The following FGD5 variants were observed in gnomAD, a reference collection of about 807,000 sequenced individuals.
FGD5 encodes FYVE, RhoGEF and PH domain-containing protein 5.
FGD5 carries 28 observed loss-of-function variants against 133.4 expected under a neutral mutation model. That is an observed-to-expected ratio of 0.21 (90% CI 0.16 to 0.29). The LOEUF (loss-of-function observed/expected upper bound fraction) is 0.29. Ranked by LOEUF, FGD5 falls within the 10% of genes least tolerant of loss-of-function variation. The pLI, the probability that FGD5 is intolerant of heterozygous loss-of-function variation, is 1.00. For synonymous variants in FGD5, 810 were observed against 776.5 expected, an observed-to-expected ratio of 1.04 and a Z score of -0.72; for missense variants, 1,858 against 1,895.2, an observed-to-expected ratio of 0.98 and a Z score of 0.36.
intron 1 of FGD5, among the ~76,000 whole-genome samples, chr3:14,824,535 C>T (rs2036566884): frequency 6.6e-6 from 1 of 152,138 alleles, no homozygotes; most frequent in Non-Finnish European, 1.5e-5. Context: ...GGTCAGTGCT[C>T]CAGACATGGA....
chr3:14,826,309 C>G (rs540093553), intron 1 of FGD5, among the ~76,000 whole-genome samples: 20 of 152,254 alleles, frequency 1.3e-4, no homozygotes, highest in African/African-American at 4.8e-4. Flanking sequence ...TTCTTCCCCT[C>G]TTCTCCTCTG....
At chr3:14,829,946 T>TAAC (rs2036674942) in intron 1 of FGD5, among the ~76,000 whole-genome samples, 1 of 152,180 alleles carries the variant, frequency 6.6e-6, no homozygotes, top group Non-Finnish European at 1.5e-5. Context: ...CAGCAACAAA[T>TAAC]AACACATCCT....
At chr3:14,812,734 G>A (rs1417672159) in intron 1 of FGD5, among the ~76,000 whole-genome samples, 4 of 152,204 alleles carry the variant, frequency 2.6e-5, no homozygotes, top group South Asian at 4.1e-4. Flanking sequence ...GTGACCTTAA[G>A]CAGGTTATTC....
chr3:14,866,177 G>A (rs569475176), intron 2 of FGD5, among the ~76,000 whole-genome samples: 2 of 152,174 alleles, frequency 1.3e-5, no homozygotes, highest in Admixed American at 6.5e-5. Context: ...CTCTTCTTCC[G>A]GCTATGTCAC....
intron 2 of FGD5, among the ~76,000 whole-genome samples, chr3:14,877,530 G>C (rs983489546): frequency 6.6e-6 from 1 of 152,246 alleles, no homozygotes; most frequent in African/African-American, 2.4e-5. Flanking sequence ...ACGCCCACCT[G>C]TTTGCCAGAT....
At chr3:14,864,941 C>A (rs1053531925) in intron 2 of FGD5, among the ~76,000 whole-genome samples, 1 of 152,206 alleles carries the variant, frequency 6.6e-6, no homozygotes, top group Admixed American at 6.5e-5. Context: ...GTCATGAATC[C>A]TTTCCCACAA....
intron 4 of FGD5, among the ~76,000 whole-genome samples, chr3:14,890,530 T>G (rs2038007548): frequency 6.6e-6 from 1 of 152,132 alleles, no homozygotes. Flanking sequence ...CCAGGTATGA[T>G]GATGGGCCCA....
intron 4 of FGD5, among the ~76,000 whole-genome samples, chr3:14,892,436 C>T (rs955924537): frequency 2.6e-5 from 4 of 152,218 alleles, no homozygotes; most frequent in African/African-American, 7.2e-5. Context: ...TAGTCTCAAG[C>T]GATCCTCCCG....
chr3:14,929,705 G>A (rs1323489910), intron 18 of FGD5, among the ~76,000 whole-genome samples: 3 of 152,154 alleles, frequency 2.0e-5, no homozygotes, highest in Admixed American at 1.3e-4. Flanking sequence ...AAAGTAGGTT[G>A]TACTGTGATT....
At chr3:14,927,301 A>T (rs541948985) in intron 18 of FGD5, among the ~76,000 whole-genome samples, 1 of 152,316 alleles carries the variant, frequency 6.6e-6, no homozygotes, top group South Asian at 2.1e-4. Context: ...AACAGTTGTC[A>T]TGGAAGTGAC....
intron 4 of FGD5, among the ~76,000 whole-genome samples, chr3:14,885,602 T>C (rs1575232077): frequency 6.6e-6 from 1 of 152,086 alleles, no homozygotes; most frequent in South Asian, 2.1e-4. Flanking sequence ...AGCTGGGAGG[T>C]TGGCCAGAAC....
chr3:14,914,974 G>T (rs2038523697), intron 11 of FGD5, among the ~76,000 whole-genome samples: 1 of 152,240 alleles, frequency 6.6e-6, no homozygotes, highest in Non-Finnish European at 1.5e-5. Flanking sequence ...AGAGCTGCAG[G>T]CCAAAGCCAG....
chr3:14,922,727 A>G lies in FGD5; in HGVS notation c.3807+179A>G, dbSNP rs2125156360. On this transcript the variant is annotated intron_variant, in intron 15 of 19. Transcript: ENST00000285046. The surrounding 1 kb of genome is among the most constrained non-coding windows in gnomAD (Gnocchi z 4.1). ...TTCCCATTTTATAGATCATCAAACC[A>G]GAGCTCCAAGTCCCAGGCCTCTTCC... Among the ~76,000 whole-genome samples the G allele has an allele frequency of 6.6e-6, 1 of 152,320 alleles. No homozygotes were observed. Among genetic ancestry groups the G allele is most frequent in the East Asian group, 1.9e-4 (1 of 5,174 alleles).
chr3:14,885,068 C>A (rs1326230450), intron 4 of FGD5, among the ~76,000 whole-genome samples: 4 of 151,740 alleles, frequency 2.6e-5, no homozygotes, highest in Admixed American at 2.6e-4. Context: ...GCTTAGGGCC[C>A]TTGTCCACTA....
At chr3:14,868,499 C>G (rs2037540772) in intron 2 of FGD5, among the ~76,000 whole-genome samples, 1 of 152,264 alleles carries the variant, frequency 6.6e-6, no homozygotes, top group Admixed American at 6.5e-5. Context: ...CACCTGAGCC[C>G]TGGTTGTTGC....
At chr3:14,877,960 A>G (rs2037751560) in intron 2 of FGD5, among the ~76,000 whole-genome samples, 1 of 152,224 alleles carries the variant, frequency 6.6e-6, no homozygotes, top group South Asian at 2.1e-4. Context: ...AGCAAAAACT[A>G]TTCTTCAGAA....
intron 10 of FGD5, among the ~76,000 whole-genome samples, chr3:14,908,663 G>C (rs1206348970): frequency 6.6e-6 from 1 of 152,048 alleles, no homozygotes; most frequent in African/African-American, 2.4e-5. Flanking sequence ...GAGGCAGGCA[G>C]ATCACAAGGT....
chr3:14,835,526 G>GAAA (rs1395564301), intron 1 of FGD5, among the ~76,000 whole-genome samples: 50 of 150,722 alleles, frequency 3.3e-4, no homozygotes, highest in African/African-American at 1.1e-3. Flanking sequence ...GAAAAGAAAA[G>GAAA]AAAGCTGCAC....
chr3:14,928,453 A>T (rs1438130167), intron 18 of FGD5, among the ~76,000 whole-genome samples: 5 of 152,156 alleles, frequency 3.3e-5, no homozygotes. Flanking sequence ...AAAGAATTTT[A>T]CAGTGAACTA....
Sources: allele counts gnomAD v4.1 joint callset (sites outside exome capture counted in the v4.1 genomes callset), GRCh38; gene constraint gnomAD v4.1.1; non-coding constraint Gnocchi (gnomAD v3.1); transcripts MANE v1.5; gene names NCBI Gene and HGNC (gene_info 2026-07-23, HGNC 2026-07-21).